Variants in GULP1 observed in about 807,000 individuals in gnomAD.
The protein encoded by GULP1 is PTB domain-containing engulfment adapter protein 1.
Under a neutral mutation model 40.9 loss-of-function variants are expected in GULP1, and 19 were observed. The observed-to-expected ratio is 0.46, with a 90% CI of 0.32 to 0.68. GULP1 has a LOEUF of 0.68. Among genes scored for constraint, GULP1 ranks in the 30% least tolerant of loss-of-function variants. The pLI is 0.03. For synonymous variants in GULP1, 119 were observed against 117.6 expected (o/e 1.01, Z -0.08); for missense variants, 312 against 362.2 (o/e 0.86, Z 1.12).
At chr2:188,393,923 A>G (rs756214629) in intron 2 of GULP1, among the ~76,000 whole-genome samples, 1 of 152,110 alleles carries the variant, frequency 6.6e-6, no homozygotes, top group Non-Finnish European at 1.5e-5. Context: ...TTTATAAGTT[A>G]CCTGATGCTT....
chr2:188,552,305 T>C (rs2153379000), intron 7 of GULP1, among the ~76,000 whole-genome samples: 1 of 151,972 alleles, frequency 6.6e-6, no homozygotes, highest in South Asian at 2.1e-4. Context: ...TTCCAGATAT[T>C]ACATTTAAGT....
At chr2:188,355,767 A>T (rs992543399) in intron 1 of GULP1, among the ~76,000 whole-genome samples, 1 of 152,042 alleles carries the variant, frequency 6.6e-6, no homozygotes, top group African/African-American at 2.4e-5. Context: ...AGATGCAAAA[A>T]TGGCTTATAA....
intron 1 of GULP1, among the ~76,000 whole-genome samples, chr2:188,364,057 A>G (rs567895907): frequency 6.6e-6 from 1 of 152,320 alleles, no homozygotes; most frequent in Admixed American, 6.5e-5. Flanking sequence ...TTTGTCTAGC[A>G]TCTAGCTTAT....
chr2:188,480,392 C>G (rs2061353488), intron 3 of GULP1, among the ~76,000 whole-genome samples: 1 of 151,862 alleles, frequency 6.6e-6, no homozygotes, highest in Non-Finnish European at 1.5e-5. Flanking sequence ...TGTAATCTTA[C>G]TAAATGATCC....
intron 1 of GULP1, among the ~76,000 whole-genome samples, chr2:188,338,257 A>G (rs574482611): frequency 1.3e-5 from 2 of 151,516 alleles, no homozygotes; most frequent in Non-Finnish European, 2.9e-5. Flanking sequence ...TCTTAAGAAT[A>G]TATTTGTTTT....
At chr2:188,562,647 A>G (rs1696598036) in intron 7 of GULP1, among the ~76,000 whole-genome samples, 1 of 151,388 alleles carries the variant, frequency 6.6e-6, no homozygotes, top group South Asian at 2.1e-4. Context: ...AAAGTCAATA[A>G]AAGTACCAAA....
rs191026422 is a variant in GULP1 at position 188,448,852 on chromosome 2, G to A, written c.-44-28807G>A. ...GAGATGTGGTTGTTTAAAGTAGGTG[G>A]CAACACCCCTCCCCTTTTTCCTCCT... On this transcript the variant is annotated intron_variant, in intron 2 of 11. Coordinates refer to ENST00000409830, the MANE Select transcript of GULP1 (RefSeq NM_016315.4). 1.1e-4 allele frequency among the ~76,000 whole-genome samples: 16 copies of A among 152,136 alleles called. No homozygotes were observed. In the East Asian group the frequency reaches 3.1e-3, roughly 29 times the overall value.
At chr2:188,336,617 G>A (rs968267240) in intron 1 of GULP1, among the ~76,000 whole-genome samples, 11 of 152,074 alleles carry the variant, frequency 7.2e-5, no homozygotes, top group African/African-American at 2.4e-4. Context: ...GAATGTGGTG[G>A]GAGACATCCA....
intron 1 of GULP1, among the ~76,000 whole-genome samples, chr2:188,329,901 G>C (rs1166741169): frequency 2.0e-5 from 3 of 152,274 alleles, no homozygotes; most frequent in South Asian, 2.1e-4. Flanking sequence ...GGATGGATCT[G>C]TCTTTTCTGA....
chr2:188,388,793 A>G (rs748594199), intron 2 of GULP1, among the ~76,000 whole-genome samples: 2 of 152,210 alleles, frequency 1.3e-5, no homozygotes, highest in Non-Finnish European at 2.9e-5. Context: ...CCTGTATGAC[A>G]AACAAATGAA....
intron 1 of GULP1, among the ~76,000 whole-genome samples, chr2:188,375,570 G>A (rs2152465220): frequency 6.6e-6 from 1 of 152,218 alleles, no homozygotes; most frequent in Non-Finnish European, 1.5e-5. Context: ...TCTTAATGAA[G>A]ACTTGCTCTC....
intron 9 of GULP1, among the ~76,000 whole-genome samples, chr2:188,575,987 G>A (rs1700101083): frequency 6.6e-6 from 1 of 152,060 alleles, no homozygotes; most frequent in Admixed American, 6.6e-5. Context: ...TTTACTAATG[G>A]ATTGGTTGGG....
At chr2:188,425,219 A>G (rs532646029) in intron 2 of GULP1, among the ~76,000 whole-genome samples, 5 of 152,146 alleles carry the variant, frequency 3.3e-5, no homozygotes, top group African/African-American at 9.6e-5. Flanking sequence ...CTTTCCCTTC[A>G]TTTGCTGACT....
chr2:188,561,996 C>A (rs576347811), intron 7 of GULP1, among the ~76,000 whole-genome samples: 80 of 152,324 alleles, frequency 5.3e-4, no homozygotes, highest in Non-Finnish European at 1.0e-3. Context: ...TTGCTTGTTT[C>A]TCAGCCCCAC....
intron 7 of GULP1, among the ~76,000 whole-genome samples, chr2:188,565,221 A>G (rs1213128485): frequency 1.3e-5 from 2 of 151,936 alleles, no homozygotes; most frequent in Non-Finnish European, 2.9e-5. Flanking sequence ...AAAATAAAAC[A>G]TTTTCTGTTA....
chr2:188,371,579 A>G (rs144021629), intron 1 of GULP1, among the ~76,000 whole-genome samples: 29 of 152,276 alleles, frequency 1.9e-4, no homozygotes, highest in African/African-American at 6.7e-4. Context: ...AGTAGTTTTG[A>G]AAATAAAATG....
intron 3 of GULP1, among the ~76,000 whole-genome samples, chr2:188,479,808 G>A (rs2061312885): frequency 6.6e-6 from 1 of 152,102 alleles, no homozygotes; most frequent in African/African-American, 2.4e-5. Flanking sequence ...ATAGTAATGT[G>A]AGTAACCAGT....
intron 2 of GULP1, among the ~76,000 whole-genome samples, chr2:188,386,232 G>A (rs1451968841): frequency 6.6e-6 from 1 of 152,132 alleles, no homozygotes. Context: ...AGAGAAGAGG[G>A]CTTGTGTAGG....
intron 4 of GULP1, among the ~76,000 whole-genome samples, 159 bp downstream of exon 4, chr2:188,483,651 C>T (rs2061609357): frequency 6.6e-6 from 1 of 151,892 alleles, no homozygotes; most frequent in Non-Finnish European, 1.5e-5. Flanking sequence ...AGTTATTTTT[C>T]TCTGTAGAAT....
Sources: allele counts gnomAD v4.1 joint callset (sites outside exome capture counted in the v4.1 genomes callset), GRCh38; gene constraint gnomAD v4.1.1; transcripts MANE v1.5; gene names NCBI Gene and HGNC (gene_info 2026-07-23, HGNC 2026-07-21).